VIPAS39: variants seen among roughly 807,000 people sequenced by gnomAD.
VIPAS39 encodes the protein VPS33B interacting protein, apical-basolateral polarity regulator, spe-39 homolog.
Under a neutral mutation model 84.7 loss-of-function variants are expected in VIPAS39, and 63 were observed. The ratio of observed to expected loss-of-function variants is 0.74; its 90% confidence interval spans 0.61 to 0.92. The LOEUF (loss-of-function observed/expected upper bound fraction) is 0.92, where lower values mean the gene tolerates loss of function less well. Ranked by LOEUF, VIPAS39 falls within the 40% of genes least tolerant of loss-of-function variation. The pLI is 0.00. For synonymous variants in VIPAS39, 192 were observed against 216.5 expected, an observed-to-expected ratio of 0.89 and a Z score of 0.99; for missense variants, 499 against 604.5, an observed-to-expected ratio of 0.83 and a Z score of 1.83.
At chr14:77,448,660 TG>T in intron 6 of VIPAS39, 110 bp from the exon 7 acceptor site, 1 of 1,153,200 alleles carries the variant, frequency 8.7e-7, no homozygotes, top group East Asian at 2.5e-5. Flanking sequence ...AAATAATTTG[TG>T]GGAGGGAATG....
chr14:77,429,402 C>T (rs1009339453), intron 17 of VIPAS39, among the ~76,000 whole-genome samples: 2 of 152,184 alleles, frequency 1.3e-5, no homozygotes, highest in African/African-American at 4.8e-5. Flanking sequence ...CTTTTCTCCA[C>T]GAGTTCTCCT....
chr14:77,446,899 C>A (rs1385086768), intron 7 of VIPAS39, among the ~76,000 whole-genome samples: 3 of 151,912 alleles, frequency 2.0e-5, no homozygotes, highest in Non-Finnish European at 4.4e-5. Flanking sequence ...GCAGCCTCGA[C>A]CTTCAGGGCT....
At chr14:77,439,775 A>G (rs1403812108) in intron 11 of VIPAS39, among the ~76,000 whole-genome samples, 1 of 151,460 alleles carries the variant, frequency 6.6e-6, no homozygotes, top group Non-Finnish European at 1.5e-5. Flanking sequence ...AAAAAAAAAA[A>G]CCATGTTTCT....
At position 77,449,769 on chromosome 14, in the gene VIPAS39, CA is replaced by C; in HGVS notation, c.344-18del. ...TAGTTCTACCTAAAGGTAAAGAACACAAGAGGGAAAAGGTCAACAGTTTCAA... is the reference window on the plus strand; with the variant it reads ...TAGTTCTACCTAAAGGTAAAGAACACAGAGGGAAAAGGTCAACAGTTTCAA... On this transcript the variant is annotated intron_variant, in intron 4 of 19. Transcript: ENST00000557658. 1.2e-6 allele frequency: 2 copies of C among 1,613,946 alleles called. No individual in the cohort carries two copies. Among genetic ancestry groups the C allele is most frequent in the Non-Finnish European group, 1.7e-6 (2 of 1,179,982 alleles).
intron 16 of VIPAS39, 70 bp downstream of exon 16, chr14:77,433,772 C>A: frequency 6.7e-7 from 1 of 1,501,626 alleles, no homozygotes; most frequent in Non-Finnish European, 9.1e-7. Context: ...AAACCGGTAA[C>A]TAGAACTTAT....
Position 77,434,312 on chromosome 14 carries a change from A to C in VIPAS39, c.1048-9T>G. 6.2e-7 allele frequency: 1 copy of C among 1,614,042 alleles called. No homozygotes were observed. ...GGACTGCTGAATGTCCCCTAGGATG[A>C]AAGTGAAAAAGGAACTTTAGTGATA... On this transcript the variant is annotated splice_polypyrimidine_tract_variant and intron_variant, in intron 14 of 19. Coordinates refer to ENST00000557658, the MANE Select transcript of VIPAS39 (RefSeq NM_001193315.2).
At position 77,427,649 on chromosome 14, in the gene VIPAS39, G is replaced by T. The variant is rs770284629; in HGVS notation, c.1462-13C>A. 6.2e-7 allele frequency: 1 copy of T among 1,614,132 alleles called. No individual in the cohort carries two copies. The highest frequency in any genetic ancestry group is 8.5e-7 in the Non-Finnish European group (1 of 1,180,024). Reference sequence around the variant, plus strand: ...TCCATCGAATTTGCTGTGGAAAGAGGAAACAATGAAAGTGTGTGATCAGTT... The same window carrying T: ...TCCATCGAATTTGCTGTGGAAAGAGTAAACAATGAAAGTGTGTGATCAGTT... On this transcript the variant is annotated splice_polypyrimidine_tract_variant and intron_variant, in intron 19 of 19. Coordinates refer to ENST00000557658, the MANE Select transcript of VIPAS39 (RefSeq NM_001193315.2).
rs142501624 is a variant in VIPAS39, at chr14:77,442,676, A to G, written c.632-14T>C. On this transcript the variant is annotated splice_polypyrimidine_tract_variant and intron_variant, in intron 9 of 19. Coordinates refer to ENST00000557658, the MANE Select transcript of VIPAS39 (RefSeq NM_001193315.2). ...GGAAGAGGATCTCTGTCAGACAGTC[A>G]GGAGTTAAGTTGAGAAAGATTAAAG... The G allele has an allele frequency of 2.1e-3, 3,390 of 1,612,934 alleles. 15 individuals carry two copies. The highest frequency in any genetic ancestry group is 9.1e-3 in the Middle Eastern group (55 of 6,058).
At chr14:77,428,313 A>G in intron 19 of VIPAS39, 57 bp downstream of exon 19, 1 of 1,500,264 alleles carries the variant, frequency 6.7e-7, no homozygotes, top group Non-Finnish European at 9.2e-7. Flanking sequence ...ATTTGGTACT[A>G]TTTTGTGAAC....
rs755509586 is a variant in VIPAS39, at chr14:77,443,114, C to T, written c.631+5G>A. On this transcript the variant is annotated splice_donor_5th_base_variant and intron_variant, in intron 9 of 19. Coordinates refer to ENST00000557658, the MANE Select transcript of VIPAS39 (RefSeq NM_001193315.2). Reference sequence around the variant, plus strand: ...GACTGAAGATTTCCTGCAAGCCATTCTCACCTTTGCTCAGTGTCCTCTTCA... The same window carrying T: ...GACTGAAGATTTCCTGCAAGCCATTTTCACCTTTGCTCAGTGTCCTCTTCA... 2 of 1,614,236 alleles carry T rather than the reference C, an allele frequency of 1.2e-6. No individual in the cohort carries two copies. Among genetic ancestry groups the T allele is most frequent in the Non-Finnish European group, 1.7e-6 (2 of 1,180,044 alleles).
At chr14:77,457,333 C>T in intron 1 of VIPAS39, 162 bp downstream of exon 1, 1 of 1,535,680 alleles carries the variant, frequency 6.5e-7, no homozygotes, top group South Asian at 1.2e-5. Context: ...GCCCCAGTCC[C>T]AAGCGTACTC....
intron 1 of VIPAS39, among the ~76,000 whole-genome samples, chr14:77,456,828 G>C (rs918068428): frequency 6.6e-6 from 1 of 152,148 alleles, no homozygotes; most frequent in South Asian, 2.1e-4. Flanking sequence ...GAGAAGCTAG[G>C]TTTACTTGGC....
In VIPAS39 at chr14:77,434,755, G is replaced by A. The variant is rs190090607; in HGVS notation, c.1048-452C>T. Among the ~76,000 whole-genome samples, 343 of 151,652 alleles carry A rather than the reference G, an allele frequency of 2.3e-3. 2 individuals are homozygous for A. The highest frequency in any genetic ancestry group is 7.6e-3 in the African/African-American group (315 of 41,374). ...AAAATACAAAAAAAAAAAAATTAGC[G>A]GGGAGTGGTGGCGCACACCTGTGAT... On this transcript the variant is annotated intron_variant, in intron 14 of 19. Coordinates refer to ENST00000557658, the MANE Select transcript of VIPAS39 (RefSeq NM_001193315.2).
chr14:77,442,717 T>C, intron 9 of VIPAS39, 55 bp from the exon 10 acceptor site: 2 of 1,502,924 alleles, frequency 1.3e-6, no homozygotes, highest in Admixed American at 3.3e-5. Flanking sequence ...TAGTCAAGTG[T>C]GAAATTGGTC....
chr14:77,439,858 T>C (rs2078672870), intron 11 of VIPAS39, among the ~76,000 whole-genome samples: 1 of 152,188 alleles, frequency 6.6e-6, no homozygotes, highest in East Asian at 1.9e-4. Context: ...GCCAACTGAA[T>C]GTCTGTATGG....
Position 77,454,049 on chromosome 14 carries a change from C to T in VIPAS39, c.54G>A (p.Lys18=), listed in dbSNP as rs373456315. 1 of 1,614,040 alleles carries T rather than the reference C, an allele frequency of 6.2e-7. No individual in the cohort carries two copies. The highest frequency in any genetic ancestry group is 1.3e-5 in the African/African-American group (1 of 74,924). The stretch of plus-strand genomic sequence containing the variant: ...CGTCTTCATCGTCAAAGGTAAAAGC[C>T]TTGAACTTGGAGCTGTTCCAATACT... ...EEEYWNSSKF[K]AFTFDDEDDE... is the part of the protein sequence containing the mutation. Residue 18 remains lysine (K), a synonymous_variant, in exon 2 of 20, where the codon AAG becomes AAA. Coordinates refer to ENST00000557658, the MANE Select transcript of VIPAS39 (RefSeq NM_001193315.2).
At chr14:77,446,361 T>C (rs1411082755) in intron 7 of VIPAS39, among the ~76,000 whole-genome samples, 1 of 152,180 alleles carries the variant, frequency 6.6e-6, no homozygotes, top group Non-Finnish European at 1.5e-5. Context: ...TGGAGTGCAG[T>C]GATGCAATCA....
At chr14:77,439,453 C>A (rs991544281) in intron 11 of VIPAS39, among the ~76,000 whole-genome samples, 2 of 152,118 alleles carry the variant, frequency 1.3e-5, no homozygotes, top group Middle Eastern at 3.2e-3. Flanking sequence ...TTTTCAGATT[C>A]TCTCATGCTT....
intron 19 of VIPAS39, 70 bp from the exon 20 acceptor site, chr14:77,427,706 T>C: frequency 6.3e-7 from 1 of 1,594,392 alleles, no homozygotes; most frequent in Non-Finnish European, 8.6e-7. Flanking sequence ...GCAGAGAAAA[T>C]GCAACAAAAC....
Sources: gnomAD v4.1 joint callset for allele counts (sites outside exome capture counted in the v4.1 genomes callset) on GRCh38, gnomAD v4.1.1 for gene constraint, MANE v1.5 for transcripts, NCBI Gene and HGNC (gene_info 2026-07-23, HGNC 2026-07-21) for gene names.